PIK3C2A: variants seen among roughly 807,000 people sequenced by gnomAD.
The protein encoded by PIK3C2A is phosphatidylinositol-4-phosphate 3-kinase catalytic subunit type 2 alpha, also known as phosphatidylinositol 4-phosphate 3-kinase C2 domain-containing subunit alpha.
PIK3C2A carries 97 observed loss-of-function variants against 204.5 expected under a neutral mutation model. The ratio of observed to expected loss-of-function variants is 0.47; its 90% confidence interval spans 0.40 to 0.56. The LOEUF is 0.56. Among genes scored for constraint, PIK3C2A ranks in the 20% least tolerant of loss-of-function variants. PIK3C2A has a pLI of 0.00. For synonymous variants in PIK3C2A, 653 were observed against 664.4 expected (o/e 0.98, Z 0.26); for missense variants, 1,735 against 1,969.2 (o/e 0.88, Z 2.25).
intron 22 of PIK3C2A, among the ~76,000 whole-genome samples, chr11:17,106,463 C>A (rs1333909659): frequency 1.3e-5 from 2 of 152,072 alleles, no homozygotes; most frequent in African/African-American, 2.4e-5. Context: ...CAAAATTGTT[C>A]TTTATTTTCA....
In PIK3C2A at chr11:17,136,384, A is replaced by G. The variant is rs529505193; in HGVS notation, c.1848+98T>C. ...TGATTCAACCCAAAAGTAAAAGCCA[A>G]AGTTAAAATGACAATATTTTGTCTA... On this transcript the variant is annotated intron_variant, in intron 9 of 32. Transcript: ENST00000691414. 8.1e-5 allele frequency: 76 copies of G among 937,254 alleles called. 1 individual carries two copies. The South Asian group carries it at 1.1e-3, about 13-fold the overall frequency. The allele number at this position is 937,254 out of a possible 1,614,324, so 58.1% of individuals were successfully genotyped here.
intron 1 of PIK3C2A, among the ~76,000 whole-genome samples, chr11:17,180,524 AAAAC>A (rs1210730888): frequency 7.7e-6 from 1 of 129,992 alleles, no homozygotes; most frequent in African/African-American, 2.9e-5. Context: ...ACAACAACAA[AAAAC>A]AAAAAAAAAA....
intron 9 of PIK3C2A, among the ~76,000 whole-genome samples, chr11:17,136,001 G>A (rs1046695067): frequency 1.3e-5 from 2 of 152,130 alleles, no homozygotes; most frequent in South Asian, 2.1e-4. Flanking sequence ...AAAAGCAACA[G>A]TATAATCTAA....
At position 17,146,955 on chromosome 11, in the gene PIK3C2A, C is replaced by A. The variant is rs548855991; in HGVS notation, c.1560+562G>T. On this transcript the variant is annotated intron_variant, in intron 6 of 32. Transcript: ENST00000691414. ...TAATTCTCTTTAGAGATTAAAAATT[C>A]GATTTTAAGTTCATCAAGGGTTCAC... Among the ~76,000 whole-genome samples the A allele has an allele frequency of 3.9e-5, 6 of 152,160 alleles. 1 individual carries two copies. Among genetic ancestry groups the A allele is most frequent in the African/African-American group, 1.2e-4 (5 of 41,542 alleles).
At chr11:17,098,596 A>G (rs935731965) in intron 26 of PIK3C2A, among the ~76,000 whole-genome samples, 1 of 152,232 alleles carries the variant, frequency 6.6e-6, no homozygotes, top group Non-Finnish European at 1.5e-5. Flanking sequence ...CAGGGGAGCC[A>G]ATGAATCTCT....
Position 17,110,495 on chromosome 11 carries a change from G to GCCA in PIK3C2A, c.3478_3480dup (p.Trp1160dup). 2.5e-6 allele frequency: 4 copies of GCCA among 1,607,914 alleles called. No homozygotes were observed. The highest frequency in any genetic ancestry group is 3.4e-6 in the Non-Finnish European group (4 of 1,174,682). On this transcript the variant is annotated inframe_insertion, in exon 22 of 33. Coordinates refer to ENST00000691414, the MANE Select transcript of PIK3C2A (RefSeq NM_002645.4). ...ATCCTCAGATCTAGTCCTTCTTTAA[G>GCCA]CCAGATCTTATCCATAATCTTTATC...
At chr11:17,187,178 G>A (rs1851780399) in intron 1 of PIK3C2A, among the ~76,000 whole-genome samples, 1 of 152,152 alleles carries the variant, frequency 6.6e-6, no homozygotes, top group Admixed American at 6.6e-5. Flanking sequence ...GGGAGAATGT[G>A]TAGAGTGAAG....
chr11:17,101,457 C>A (rs371289878), intron 24 of PIK3C2A, 23 bp from the exon 25 acceptor site: 58 of 1,407,988 alleles, frequency 4.1e-5, no homozygotes, highest in Non-Finnish European at 5.4e-5. Context: ...AAAGTACATA[C>A]AAAATATTAT....
rs1850399259 is a variant in PIK3C2A, at chr11:17,150,711, C to T, written c.1170-56G>A. ...TTTTTAAAAAAACTTCATTTGAGGG[C>T]TCTGAACAAGGCTTTACATGTTTAC... is the stretch of plus-strand genomic sequence containing the variant. On this transcript the variant is annotated intron_variant, in intron 3 of 32. Transcript: ENST00000691414. 9 of 1,344,062 alleles carry T rather than the reference C, an allele frequency of 6.7e-6. No individual in the cohort carries two copies. In the Admixed American group the frequency reaches 1.8e-4, roughly 27 times the overall value. The allele number at this position is 1,344,062 out of a possible 1,614,324, so 83.3% of individuals were successfully genotyped here. A position where few individuals can be genotyped will look rare whatever the true frequency, so the allele number is the denominator to read the frequency against.
At chr11:17,202,914 T>G (rs962029237) in intron 1 of PIK3C2A, among the ~76,000 whole-genome samples, 1 of 152,208 alleles carries the variant, frequency 6.6e-6, no homozygotes, top group African/African-American at 2.4e-5. Flanking sequence ...TGTTATACTG[T>G]AATACTAACA....
intron 13 of PIK3C2A, among the ~76,000 whole-genome samples, chr11:17,128,909 T>G (rs1244089763): frequency 6.6e-6 from 1 of 152,198 alleles, no homozygotes; most frequent in Admixed American, 6.5e-5. Context: ...CACCTATAGA[T>G]TCTCTAAAAC....
Position 17,087,772 on chromosome 11 carries a change from C to A in PIK3C2A, c.*1966G>T, listed in dbSNP as rs141699063. 245 of 152,280 alleles carry A rather than the reference C, an allele frequency of 1.6e-3. 1 individual carries two copies. Among genetic ancestry groups the A allele is most frequent in the African/African-American group, 5.6e-3 (232 of 41,556 alleles). The allele number at this position is 152,280 out of a possible 1,614,324, so 9.4% of individuals were successfully genotyped here. ...CATACTTTAAGGAAATGTTAATGAT[C>A]TGTGGAAAAAGCAAATGGTGGTGCT... On this transcript the variant is annotated 3_prime_UTR_variant, in exon 33 of 33. Transcript: ENST00000691414.
At chr11:17,104,306 T>C (rs573996668) in intron 23 of PIK3C2A, among the ~76,000 whole-genome samples, 1 of 152,348 alleles carries the variant, frequency 6.6e-6, no homozygotes, top group Admixed American at 6.5e-5. Flanking sequence ...CAGTGCTTCA[T>C]ATATATTAAA....
intron 1 of PIK3C2A, among the ~76,000 whole-genome samples, chr11:17,201,517 C>T (rs1852377672): frequency 1.7e-5 from 2 of 117,698 alleles, no homozygotes; most frequent in Admixed American, 1.1e-4. Context: ...AAGAACGTGA[C>T]TCCGTCTCAA....
rs200537270 is a variant in PIK3C2A at position 17,092,280 on chromosome 11, C to A, written c.4452-4G>T. On this transcript the variant is annotated splice_polypyrimidine_tract_variant and splice_region_variant and intron_variant, in intron 28 of 32. Transcript: ENST00000691414. The stretch of plus-strand genomic sequence containing the variant: ...TAGAACCATCCTATTAGGAAAGCTA[C>A]AAAAGAAAAACAAAAACAAGTGGGA... The A allele has an allele frequency of 2.2e-5, 30 of 1,359,598 alleles. No homozygotes were observed. Among genetic ancestry groups the A allele is most frequent in the Non-Finnish European group, 2.8e-5 (27 of 958,880 alleles). The allele number at this position is 1,359,598 out of a possible 1,614,324, so 84.2% of individuals were successfully genotyped here.
At chr11:17,171,514 T>C (rs867127925) in intron 1 of PIK3C2A, among the ~76,000 whole-genome samples, 1 of 150,872 alleles carries the variant, frequency 6.6e-6, no homozygotes, top group Non-Finnish European at 1.5e-5. Flanking sequence ...AAAAAAAAAA[T>C]TTTTACTAAG....
rs769122041 is a variant in PIK3C2A at position 17,168,687 on chromosome 11, T to C, written c.1055A>G (p.His352Arg). The stretch of plus-strand genomic sequence containing the variant: ...AAGAAAAGACTATACCTGAGATATA[T>C]GGCCCTGGGCTTTTGCAAGCTGAGT... ...RTTQLAKAQG[H>R]ISQKDPNGTS... The change falls in exon 2 of 33, where the codon CAT becomes CGT. Residue 352 changes from histidine (H) to arginine (R), a missense_variant. His to Arg is a conservative substitution (Grantham distance 29). This residue lies in a region of PIK3C2A where 536 missense variants were observed against 546.7 expected (regional missense o/e 0.98). Transcript: ENST00000691414. 3.8e-6 allele frequency: 6 copies of C among 1,568,286 alleles called. No homozygotes were observed. The highest frequency in any genetic ancestry group is 3.6e-5 in the South Asian group (3 of 83,002).
intron 8 of PIK3C2A, chr11:17,137,955 T>C: frequency 2.0e-6 from 1 of 488,950 alleles, no homozygotes; most frequent in Non-Finnish European, 3.8e-6. Context: ...TAATTTTTAT[T>C]ACTCAAAAAA....
intron 8 of PIK3C2A, 122 bp from the exon 9 acceptor site, chr11:17,136,747 T>C (rs576472761): frequency 1.6e-4 from 82 of 527,620 alleles, no homozygotes; most frequent in African/African-American, 1.5e-3. Context: ...TCTTTTGTGA[T>C]GACAAAGAAA....
Sources: allele counts gnomAD v4.1 joint callset (sites outside exome capture counted in the v4.1 genomes callset), GRCh38; gene constraint gnomAD v4.1.1; regional missense constraint gnomAD v4.1.1; transcripts MANE v1.5; gene names NCBI Gene and HGNC (gene_info 2026-07-23, HGNC 2026-07-21).